Variants in SAMMSON observed in about 807,000 individuals in gnomAD.
SAMMSON encodes the protein long intergenic non-protein coding RNA 1212.
chr3:70,028,799 TA>T (rs1298716398), intron 3 of SAMMSON, among the ~76,000 whole-genome samples: 2 of 152,226 alleles, frequency 1.3e-5, no homozygotes, highest in Admixed American at 6.5e-5. Context: ...TTTCTAGTGG[TA>T]AAAATGTCAT....
chr3:70,272,992 G>T (rs1295988654), intron 6 of SAMMSON, among the ~76,000 whole-genome samples: 1 of 152,154 alleles, frequency 6.6e-6, no homozygotes, highest in African/African-American at 2.4e-5. Context: ...TTCAGTCCAG[G>T]TCAAATCACT....
chr3:70,089,691 A>T (rs997795017), intron 4 of SAMMSON, among the ~76,000 whole-genome samples: 11 of 152,130 alleles, frequency 7.2e-5, no homozygotes, highest in African/African-American at 2.4e-4. Context: ...GAATAAGGTG[A>T]TGCTTTCAAG....
At chr3:70,332,043 A>G (rs1428192544) in intron 7 of SAMMSON, among the ~76,000 whole-genome samples, 3 of 152,226 alleles carry the variant, frequency 2.0e-5, no homozygotes, top group Non-Finnish European at 2.9e-5. Context: ...GGAAACCGCC[A>G]TTGTTTAGAT....
intron 4 of SAMMSON, among the ~76,000 whole-genome samples, chr3:70,083,852 A>G (rs1455246055): frequency 1.3e-5 from 2 of 151,992 alleles, no homozygotes; most frequent in African/African-American, 2.4e-5. Flanking sequence ...TTTTTGCATG[A>G]TTCATTTTGT....
intron 7 of SAMMSON, among the ~76,000 whole-genome samples, chr3:70,324,025 C>T (rs1484299671): frequency 6.6e-6 from 1 of 152,082 alleles, no homozygotes; most frequent in Non-Finnish European, 1.5e-5. Context: ...TTCGTCCCTT[C>T]CTGACCCCCT....
Position 70,126,537 on chromosome 3 carries a change from C to T in SAMMSON, n.507+54972C>T, listed in dbSNP as rs192386899. ...AGGTGCCTCACCAGAAGAGTTCGGT[C>T]GGCCGAGGCAGGGAAAGTGGGGAGG... On this transcript the variant is annotated intron_variant and non_coding_transcript_variant, in intron 4 of 9. Transcript: ENST00000642114. The T allele has an allele frequency of 7.3e-4, 415 of 569,342 alleles. 1 individual carries two copies. The highest frequency in any genetic ancestry group is 2.2e-3 in the Middle Eastern group (6 of 2,716). The allele number at this position is 569,342 out of a possible 1,614,324, so 35.3% of individuals were successfully genotyped here.
intron 4 of SAMMSON, chr3:70,205,718 A>G (rs924970891): frequency 4.6e-5 from 7 of 152,138 alleles, no homozygotes; most frequent in African/African-American, 1.7e-4. Flanking sequence ...GCTGTTATTC[A>G]AAGTTTATTT....
At chr3:70,050,519 T>A (rs776083863) in intron 3 of SAMMSON, among the ~76,000 whole-genome samples, 2 of 152,152 alleles carry the variant, frequency 1.3e-5, no homozygotes, top group Non-Finnish European at 2.9e-5. Context: ...CTGTATGTGG[T>A]GCTTGGGACC....
At chr3:70,181,205 A>C (rs778100057) in intron 4 of SAMMSON, among the ~76,000 whole-genome samples, 5 of 152,226 alleles carry the variant, frequency 3.3e-5, no homozygotes, top group Non-Finnish European at 7.3e-5. Flanking sequence ...TATTGCGTGA[A>C]ACATGTCCAC....
intron 4 of SAMMSON, among the ~76,000 whole-genome samples, chr3:70,141,278 G>T (rs1312972435): frequency 2.6e-5 from 4 of 152,188 alleles, no homozygotes; most frequent in African/African-American, 9.7e-5. Flanking sequence ...CCGTCTGCAA[G>T]CTGCAGGCCC....
intron 3 of SAMMSON, among the ~76,000 whole-genome samples, chr3:70,036,598 A>G (rs1402145116): frequency 6.6e-6 from 1 of 152,186 alleles, no homozygotes; most frequent in African/African-American, 2.4e-5. Flanking sequence ...TCTACTGGAC[A>G]AAAAGCTGAG....
chr3:70,163,410 A>G (rs1391259049), intron 4 of SAMMSON, among the ~76,000 whole-genome samples: 3 of 151,182 alleles, frequency 2.0e-5, no homozygotes, highest in Middle Eastern at 3.4e-3. Context: ...TACAATATGC[A>G]TCTTAATTTT....
intron 6 of SAMMSON, among the ~76,000 whole-genome samples, chr3:70,286,150 T>C (rs541877426): frequency 6.6e-6 from 1 of 152,342 alleles, no homozygotes; most frequent in Non-Finnish European, 1.5e-5. Context: ...ATGTCCTGAA[T>C]GGTAATGCCT....
At chr3:70,112,065 C>T (rs927682190) in intron 4 of SAMMSON, among the ~76,000 whole-genome samples, 4 of 152,118 alleles carry the variant, frequency 2.6e-5, no homozygotes, top group Non-Finnish European at 4.4e-5. Context: ...ATGAAAGATA[C>T]GAATCTTCAG....
At chr3:70,208,363 C>T (rs1240271807) in intron 4 of SAMMSON, among the ~76,000 whole-genome samples, 1 of 152,014 alleles carries the variant, frequency 6.6e-6, no homozygotes, top group African/African-American at 2.4e-5. Flanking sequence ...ATATTCTTGC[C>T]AAGTCCATCT....
In SAMMSON at chr3:70,240,619, A is replaced by C. The variant is rs1701657858; in HGVS notation, n.508-8488A>C. The stretch of plus-strand genomic sequence containing the variant: ...GCTCTAAGAAAGTGTGAATTCTTTC[A>C]TTCCTTCAGCGTCAATTATAAGTAC... On this transcript the variant is annotated intron_variant and non_coding_transcript_variant, in intron 4 of 9. Transcript: ENST00000642114. 2.6e-5 allele frequency among the ~76,000 whole-genome samples: 4 copies of C among 152,112 alleles called. No individual in the cohort carries two copies. The South Asian group carries it at 8.3e-4, about 32-fold the overall frequency.
In SAMMSON at chr3:70,108,423, C is replaced by CTTTTTTTTTTTTTTTTTTTTTTTTT. The variant is rs61561713; in HGVS notation, n.507+36876_507+36877insTTTTTTTTTTTTTTTTTTTTTTTTT. Among the ~76,000 whole-genome samples, 34 of 89,340 alleles carry CTTTTTTTTTTTTTTTTTTTTTTTTT rather than the reference C, an allele frequency of 3.8e-4. 2 individuals are homozygous for CTTTTTTTTTTTTTTTTTTTTTTTTT. Among genetic ancestry groups the CTTTTTTTTTTTTTTTTTTTTTTTTT allele is most frequent in the African/African-American group, 6.2e-4 (15 of 24,142 alleles). The allele number at this position is 89,340 out of a possible 152,430, so 58.6% of individuals were successfully genotyped here. ...TAGTGTTTCTCAACTCTTGCGGTTCCTTTTTTTTTTTTTTTTTTATCATAA... is the reference window on the plus strand; with the variant it reads ...TAGTGTTTCTCAACTCTTGCGGTTCCTTTTTTTTTTTTTTTTTTTTTTTTTTTTTTTTTTTTTTTTTTTATCATAA... On this transcript the variant is annotated intron_variant and non_coding_transcript_variant, in intron 4 of 9. Coordinates refer to ENST00000642114, the Ensembl canonical transcript of SAMMSON.
chr3:70,327,128 G>C (rs561511449), intron 7 of SAMMSON, among the ~76,000 whole-genome samples: 1 of 152,156 alleles, frequency 6.6e-6, no homozygotes, highest in African/African-American at 2.4e-5. Context: ...AGAGTGCTGG[G>C]ATTACAGGAG....
chr3:70,064,732 T>C (rs1469639436), intron 3 of SAMMSON, among the ~76,000 whole-genome samples: 1 of 152,106 alleles, frequency 6.6e-6, no homozygotes, highest in Non-Finnish European at 1.5e-5. Flanking sequence ...GGCGCGTCTT[T>C]GCTATTGGAT....
Sources: gnomAD v4.1 joint callset for allele counts (sites outside exome capture counted in the v4.1 genomes callset) on GRCh38, gnomAD v4.1.1 for gene constraint, MANE v1.5 for transcripts, NCBI Gene and HGNC (gene_info 2026-07-23, HGNC 2026-07-21) for gene names.